The following HNRNPUL2 variants were observed in gnomAD, a reference collection of about 807,000 sequenced individuals.
HNRNPUL2 encodes the protein heterogeneous nuclear ribonucleoprotein U-like protein 2.
A neutral mutation model predicts 102.2 loss-of-function variants in HNRNPUL2; 27 were observed. That is an observed-to-expected ratio of 0.26 (90% CI 0.19 to 0.36). The LOEUF (loss-of-function observed/expected upper bound fraction) is 0.36. Ranked by LOEUF, HNRNPUL2 falls within the 10% of genes least tolerant of loss-of-function variation. The probability of loss-of-function intolerance (pLI) is 1.00; values close to 1 mark genes in which losing one functional copy is unlikely to be tolerated. For synonymous variants in HNRNPUL2, 458 were observed against 387.2 expected (o/e 1.18, Z -2.15); for missense variants, 936 against 981.1 (o/e 0.95, Z 0.61).
At chr11:62,718,198 T>TG (rs11455706) in intron 10 of HNRNPUL2, among the ~76,000 whole-genome samples, 5,591 of 151,796 alleles carry the variant, frequency 0.037, 341 homozygotes, top group African/African-American at 0.13. Context: ...AAGGCAGCAA[T>TG]GGGAAAAAAA....
chr11:62,726,925 C>T lies in HNRNPUL2; in HGVS notation c.232G>A (p.Asp78Asn), dbSNP rs529480359. 31 of 1,521,078 alleles carry T rather than the reference C, an allele frequency of 2.0e-5. No individual in the cohort carries two copies. Among genetic ancestry groups the T allele is most frequent in the South Asian group, 1.1e-4 (9 of 82,640 alleles). 94.2% of individuals were successfully genotyped at this position (1,521,078 alleles called of 1,614,324 possible). Residue 78 changes from aspartate to asparagine, a missense_variant, in exon 1 of 14, where the codon GAC (aspartate) becomes AAC (asparagine). Coordinates refer to ENST00000301785, the MANE Select transcript of HNRNPUL2 (RefSeq NM_001079559.3). ...GGGPGGDEEEDEEEEEEDEEA... is the reference protein window; with the variant it reads ...GGGPGGDEEENEEEEEEDEEA... ...TCGTCCTCCTCCTCCTCCTCTTCGT[C>T]CTCCTCCTCGTCCCCGCCCGGGCCG...
intron 1 of HNRNPUL2, 84 bp downstream of exon 1, chr11:62,726,535 C>T (rs1047595983): frequency 1.5e-6 from 2 of 1,350,106 alleles, no homozygotes; most frequent in East Asian, 2.7e-5. Context: ...AGAACAAGGA[C>T]TCGGACCCTG....
rs937861899 is a variant in HNRNPUL2 at position 62,713,830 on chromosome 11, A to G, written c.*1469T>C. On this transcript the variant is annotated 3_prime_UTR_variant, in exon 14 of 14. Coordinates refer to ENST00000301785, the MANE Select transcript of HNRNPUL2 (RefSeq NM_001079559.3). ...AGTAAGCTCTTGGCTGACAGTGCTG[A>G]GCAGGAGGATGAATGAAAACTGAAG... 6.6e-6 allele frequency: 1 copy of G among 152,286 alleles called. No homozygotes were observed. The highest frequency in any genetic ancestry group is 1.5e-5 in the Non-Finnish European group (1 of 68,086). 9.4% of individuals were successfully genotyped at this position (152,286 alleles called of 1,614,324 possible). A position where few individuals can be genotyped will look rare whatever the true frequency, so the allele number is the denominator to read the frequency against.
chr11:62,721,763 G>A lies in HNRNPUL2; in HGVS notation c.1482+57C>T, dbSNP rs773301146. ...CACTTGAGACTAATTCTCCATTAAA[G>A]ATAGGTTATAAGAGTCTCCAAATAC... is the stretch of plus-strand genomic sequence containing the variant. On this transcript the variant is annotated intron_variant, in intron 8 of 13. Coordinates refer to ENST00000301785, the MANE Select transcript of HNRNPUL2 (RefSeq NM_001079559.3). The A allele has an allele frequency of 2.9e-4, 452 of 1,566,416 alleles. 1 individual carries two copies. The highest frequency in any genetic ancestry group is 3.8e-4 in the Non-Finnish European group (435 of 1,142,716).
chr11:62,722,933 T>C (rs776638042), intron 4 of HNRNPUL2, 30 bp from the exon 5 acceptor site: 2 of 1,570,238 alleles, frequency 1.3e-6, no homozygotes, highest in Non-Finnish European at 8.8e-7. Context: ...AACTATTAGA[T>C]ATTGTGACCA....
In HNRNPUL2 at chr11:62,726,985, T is replaced by C; in HGVS notation, c.172A>G (p.Lys58Glu). 1.5e-6 allele frequency: 2 copies of C among 1,366,490 alleles called. No homozygotes were observed. Among genetic ancestry groups the C allele is most frequent in the East Asian group, 3.1e-5 (1 of 32,688 alleles). The allele number at this position is 1,366,490 out of a possible 1,614,324, so 84.6% of individuals were successfully genotyped here. ...GCGGCCACAGGCCGAGGCTCCGCCTTGCAGGCCCCGCCGGGCCCGGCCCCG... is the reference window on the plus strand; with the variant it reads ...GCGGCCACAGGCCGAGGCTCCGCCTCGCAGGCCCCGCCGGGCCCGGCCCCG... ...GGGAGPGGACKAEPRPVAASG... is the reference protein window; with the variant it reads ...GGGAGPGGACEAEPRPVAASG... The change falls in exon 1 of 14, where the codon AAG (lysine) becomes GAG (glutamate). Residue 58 changes from lysine (K) to glutamate (E), a missense_variant. Transcript: ENST00000301785.
rs764857279 is a variant in HNRNPUL2, at chr11:62,721,839, G to A, written c.1463C>T (p.Thr488Ile). The part of the protein sequence containing the change: ...EKRYNVLGAE[T>I]VLNQMRMKGL... The stretch of plus-strand genomic sequence containing the variant: ...ACTTACCCTCATTTGATTGAGCACA[G>A]TCTCAGCTCCCAGGACATTGTATCT... Residue 488 changes from threonine to isoleucine, a missense_variant, in exon 8 of 14, where the codon ACT becomes ATT. Thr to Ile is a moderately conservative substitution (Grantham distance 89, BLOSUM62 -1). Around this residue, in one of 2 missense-constraint regions of HNRNPUL2, gnomAD observed 609 missense variants for 713.0 expected, o/e 0.85. Transcript: ENST00000301785. 5 of 1,614,156 alleles carry A rather than the reference G, an allele frequency of 3.1e-6. No homozygotes were observed. The South Asian group carries it at 4.4e-5, about 14-fold the overall frequency.
intron 10 of HNRNPUL2, among the ~76,000 whole-genome samples, chr11:62,718,843 G>A (rs1172433644): frequency 6.8e-6 from 1 of 148,100 alleles, no homozygotes; most frequent in South Asian, 2.1e-4. Flanking sequence ...TTTTTTTTGA[G>A]ACCGAGTCTT....
chr11:62,722,911 A>AG lies in HNRNPUL2; in HGVS notation c.892-9dup. The AG allele has an allele frequency of 6.2e-7, 1 of 1,611,780 alleles. No homozygotes were observed. Among genetic ancestry groups the AG allele is most frequent in the Non-Finnish European group, 8.5e-7 (1 of 1,177,880 alleles). On this transcript the variant is annotated splice_polypyrimidine_tract_variant and intron_variant, in intron 4 of 13. Coordinates refer to ENST00000301785, the MANE Select transcript of HNRNPUL2 (RefSeq NM_001079559.3). The stretch of plus-strand genomic sequence containing the variant: ...TGGGAGATTCTGGGTTACCTGGCCA[A>AG]GTCAGAAAGGGAACTATTAGATATT...
chr11:62,723,070 C>A (rs1193878713), intron 4 of HNRNPUL2, among the ~76,000 whole-genome samples, 167 bp from the exon 5 acceptor site: 1 of 152,220 alleles, frequency 6.6e-6, no homozygotes, highest in Non-Finnish European at 1.5e-5. Flanking sequence ...TTCTTGGTTA[C>A]TGAAACTAAG....
chr11:62,722,062 C>T (rs573982173), intron 7 of HNRNPUL2, 55 bp downstream of exon 7: 27 of 1,600,696 alleles, frequency 1.7e-5, no homozygotes, highest in Middle Eastern at 1.7e-4. Flanking sequence ...GGAGAGCATA[C>T]GCACCCACCT....
intron 6 of HNRNPUL2, 39 bp downstream of exon 6, chr11:62,722,562 C>A: frequency 6.5e-7 from 1 of 1,533,002 alleles, no homozygotes; most frequent in Non-Finnish European, 9.0e-7. Flanking sequence ...GCCCTCTATC[C>A]GCTCCTTGTT....
Position 62,722,638 on chromosome 11 carries a change from T to C in HNRNPUL2, c.1058A>G (p.Gln353Arg). Reference sequence around the variant, plus strand: ...AATAACATCATTCTCCCCAAAAGTCTGGCCAAATTCCTCAAATTGTCCATT... The same window carrying C: ...AATAACATCATTCTCCCCAAAAGTCCGGCCAAATTCCTCAAATTGTCCATT... ...AENGQFEEFGQTFGENDVIGC... is the reference protein window; with the variant it reads ...AENGQFEEFGRTFGENDVIGC... The change falls in exon 6 of 14, where the codon CAG (glutamine) becomes CGG (arginine). Residue 353 changes from glutamine (Q) to arginine (R), a missense_variant. Coordinates refer to ENST00000301785, the MANE Select transcript of HNRNPUL2 (RefSeq NM_001079559.3). 1 of 1,614,158 alleles carries C rather than the reference T, an allele frequency of 6.2e-7. No homozygotes were observed. Among genetic ancestry groups the C allele is most frequent in the Non-Finnish European group, 8.5e-7 (1 of 1,180,002 alleles).
In HNRNPUL2 at chr11:62,714,137, A is replaced by G. The variant is rs867587794; in HGVS notation, c.*1162T>C. On this transcript the variant is annotated 3_prime_UTR_variant, in exon 14 of 14. Transcript: ENST00000301785. Reference sequence around the variant, plus strand: ...CAGCAGCCCCACTGAGCTGCCTCCCACCCCCCCCCACCACCCTCCCCTCTT... The same window carrying G: ...CAGCAGCCCCACTGAGCTGCCTCCCGCCCCCCCCCACCACCCTCCCCTCTT... 2 of 87,920 alleles carry G rather than the reference A, an allele frequency of 2.3e-5. No homozygotes were observed. The highest frequency in any genetic ancestry group is 1.3e-4 in the Admixed American group (1 of 7,942). The allele number at this position is 87,920 out of a possible 1,614,324, so 5.4% of individuals were successfully genotyped here.
At chr11:62,724,993 A>G (rs181213389) in intron 1 of HNRNPUL2, among the ~76,000 whole-genome samples, 14 of 152,334 alleles carry the variant, frequency 9.2e-5, no homozygotes, top group Admixed American at 5.9e-4. Flanking sequence ...ACTTCTACTG[A>G]AAGTTGCAAG....
chr11:62,715,845 G>A lies in HNRNPUL2; in HGVS notation c.2055+19C>T. The A allele has an allele frequency of 6.2e-7, 1 of 1,610,426 alleles. No homozygotes were observed. Among genetic ancestry groups the A allele is most frequent in the Non-Finnish European group, 8.5e-7 (1 of 1,176,810 alleles). ...CTCTCACAGCCCAGAGTGAGGAGCA[G>A]AAGGAGAGCTGCACTCACCCCTCTG... On this transcript the variant is annotated intron_variant, in intron 12 of 13. Coordinates refer to ENST00000301785, the MANE Select transcript of HNRNPUL2 (RefSeq NM_001079559.3).
At chr11:62,725,164 TTAA>T (rs1200258490) in intron 1 of HNRNPUL2, among the ~76,000 whole-genome samples, 1 of 152,220 alleles carries the variant, frequency 6.6e-6, no homozygotes, top group East Asian at 1.9e-4. Context: ...AGGAAGGTTT[TTAA>T]TAATAATTTC....
chr11:62,723,266 C>CGG (rs2083717996), intron 4 of HNRNPUL2, among the ~76,000 whole-genome samples: 1 of 152,136 alleles, frequency 6.6e-6, no homozygotes, highest in South Asian at 2.1e-4. Flanking sequence ...CCAAGACGGG[C>CGG]GGATCACCTG....
chr11:62,724,520 T>TG, intron 1 of HNRNPUL2, 94 bp from the exon 2 acceptor site: 1 of 1,416,460 alleles, frequency 7.1e-7, no homozygotes, highest in Non-Finnish European at 9.9e-7. Context: ...TCTGAGAATC[T>TG]GTCTGATCAA....
Sources: gnomAD v4.1 joint callset for allele counts (sites outside exome capture counted in the v4.1 genomes callset) on GRCh38, gnomAD v4.1.1 for gene constraint, gnomAD v4.1.1 regional missense constraint, MANE v1.5 for transcripts, NCBI Gene and HGNC (gene_info 2026-07-23, HGNC 2026-07-21) for gene names.